Variants in CCND3 observed in about 807,000 individuals in gnomAD.
CCND3 encodes the protein cyclin D3.
A neutral mutation model predicts 28.7 loss-of-function variants in CCND3; 9 were observed. That is an observed-to-expected ratio of 0.31 (90% CI 0.19 to 0.55). The LOEUF is 0.55. Among genes scored for constraint, CCND3 ranks in the 20% least tolerant of loss-of-function variants. The probability of loss-of-function intolerance (pLI) is 0.93; values close to 1 mark genes in which losing one functional copy is unlikely to be tolerated. For synonymous variants in CCND3, 164 were observed against 163.9 expected, an observed-to-expected ratio of 1.00 and a Z score of 0.00; for missense variants, 315 against 385.8, an observed-to-expected ratio of 0.82 and a Z score of 1.54.
chr6:42,005,200 C>A (rs993087218), intron 1 of CCND3, among the ~76,000 whole-genome samples: 4 of 152,110 alleles, frequency 2.6e-5, no homozygotes, highest in African/African-American at 9.7e-5. Flanking sequence ...GATAATGTAT[C>A]ATGTCCTAAT....
chr6:42,015,633 C>T (rs12175190), intron 1 of CCND3, among the ~76,000 whole-genome samples: 16,216 of 151,908 alleles, frequency 0.11, 1,033 homozygotes, highest in East Asian at 0.27. Context: ...TGGCATGAAC[C>T]CGGGAGGCGG....
intron 1 of CCND3, among the ~76,000 whole-genome samples, chr6:41,955,596 A>T (rs1776416170): frequency 6.7e-6 from 1 of 149,452 alleles, no homozygotes; most frequent in Non-Finnish European, 1.5e-5. Context: ...CAAACATCTT[A>T]GTGGTGACAC....
intron 1 of CCND3, among the ~76,000 whole-genome samples, chr6:42,020,945 T>A (rs1269997685): frequency 6.6e-6 from 1 of 152,050 alleles, no homozygotes; most frequent in East Asian, 1.9e-4. Context: ...AGAGACAGGG[T>A]TTCTCCATGT....
At chr6:42,014,365 CAAACAAAACA>C (rs66873567) in intron 1 of CCND3, among the ~76,000 whole-genome samples, 398 of 148,826 alleles carry the variant, frequency 2.7e-3, no homozygotes, top group East Asian at 9.5e-3. Flanking sequence ...GACTCTGTCT[CAAACAAAACA>C]AAACAAAACA....
chr6:41,949,858 G>A (rs146204982), intron 1 of CCND3, among the ~76,000 whole-genome samples: 6 of 152,020 alleles, frequency 3.9e-5, no homozygotes, highest in African/African-American at 1.4e-4. Flanking sequence ...ACTTTGGGAG[G>A]CCGAGGCGGG....
At chr6:42,004,293 A>G (rs1279930918) in intron 1 of CCND3, among the ~76,000 whole-genome samples, 3 of 152,094 alleles carry the variant, frequency 2.0e-5, no homozygotes, top group African/African-American at 4.8e-5. Flanking sequence ...TCTATGGCAG[A>G]GGGTTAAAAG....
chr6:41,957,703 AC>A (rs1776472987), intron 1 of CCND3, among the ~76,000 whole-genome samples: 1 of 152,156 alleles, frequency 6.6e-6, no homozygotes, highest in African/African-American at 2.4e-5. Context: ...TGGAAGAGGT[AC>A]CCTGCATGAA....
chr6:42,004,068 A>T (rs977292521), intron 1 of CCND3, among the ~76,000 whole-genome samples: 1 of 143,710 alleles, frequency 7.0e-6, no homozygotes. Context: ...ATATATATGT[A>T]TGTGTGTGTG....
intron 1 of CCND3, among the ~76,000 whole-genome samples, chr6:42,036,401 A>AT (rs1358950642): frequency 0.013 from 437 of 33,992 alleles, 12 homozygotes; most frequent in African/African-American, 0.022. Flanking sequence ...ATATATATAT[A>AT]TATTTTTTTT....
intron 1 of CCND3, among the ~76,000 whole-genome samples, chr6:41,988,114 G>C (rs565637238): frequency 1.3e-5 from 2 of 151,640 alleles, no homozygotes; most frequent in South Asian, 2.1e-4. Flanking sequence ...TCAGGAGTTC[G>C]AGACCAACCT....
chr6:42,008,140 G>T lies in CCND3; in HGVS notation c.-46+40361C>A, dbSNP rs531745351. ...TCACACCTGTAATCTCAGCACTTTG[G>T]GAGGTCGAGGTGGGCAGATCACCTC... On this transcript the variant is annotated intron_variant, in intron 1 of 4. Transcript: ENST00000372988. Among the ~76,000 whole-genome samples the T allele has an allele frequency of 1.2e-4, 19 of 152,252 alleles. 1 individual carries two copies. Among genetic ancestry groups the T allele is most frequent in the Admixed American group, 1.1e-3 (17 of 15,278 alleles).
intron 1 of CCND3, among the ~76,000 whole-genome samples, chr6:41,948,564 C>T (rs1361089818): frequency 8.6e-5 from 13 of 152,018 alleles, no homozygotes; most frequent in Admixed American, 2.6e-4. Context: ...CCAGGCTGGG[C>T]GCGGTGGCTC....
chr6:42,040,884 A>G (rs1351174719), intron 1 of CCND3, among the ~76,000 whole-genome samples: 2 of 152,060 alleles, frequency 1.3e-5, no homozygotes, highest in African/African-American at 4.8e-5. Context: ...AAAAACAAAA[A>G]AAAAAACCTC....
intron 1 of CCND3, among the ~76,000 whole-genome samples, chr6:42,046,312 T>A (rs1480709411): frequency 6.6e-6 from 1 of 152,154 alleles, no homozygotes; most frequent in Admixed American, 6.5e-5. Flanking sequence ...AGGGACTGGG[T>A]AGGATATACA....
At chr6:42,025,199 G>A (rs1327321167) in intron 1 of CCND3, among the ~76,000 whole-genome samples, 1 of 152,242 alleles carries the variant, frequency 6.6e-6, no homozygotes, top group Non-Finnish European at 1.5e-5. Context: ...AACTGTGAGA[G>A]GAAACAGGGA....
chr6:42,014,653 G>C (rs75955997), intron 1 of CCND3, among the ~76,000 whole-genome samples: 1,536 of 152,082 alleles, frequency 0.01, 23 homozygotes, highest in African/African-American at 0.034. Context: ...AGCTGGGCAT[G>C]GTGGCTTATG....
chr6:42,000,598 A>T (rs1582148304), intron 1 of CCND3, among the ~76,000 whole-genome samples: 3 of 73,636 alleles, frequency 4.1e-5, no homozygotes, highest in Admixed American at 2.2e-4. Context: ...ACGGAGTTTC[A>T]CTCTTGTTGC....
At chr6:41,974,306 G>C (rs1166155420) in intron 1 of CCND3, among the ~76,000 whole-genome samples, 16 of 152,126 alleles carry the variant, frequency 1.1e-4, no homozygotes. Flanking sequence ...ACACATCCAA[G>C]TCACTTAGAG....
At chr6:41,994,813 C>T (rs1253707131) in intron 1 of CCND3, among the ~76,000 whole-genome samples, 1 of 152,140 alleles carries the variant, frequency 6.6e-6, no homozygotes, top group Non-Finnish European at 1.5e-5. Flanking sequence ...GTGGCTTATG[C>T]TTGTAATCTC....
Sources: gnomAD v4.1 joint callset for allele counts (sites outside exome capture counted in the v4.1 genomes callset) on GRCh38, gnomAD v4.1.1 for gene constraint, MANE v1.5 for transcripts, NCBI Gene and HGNC (gene_info 2026-07-23, HGNC 2026-07-21) for gene names.